Variants in RTN1 observed in about 807,000 individuals in gnomAD.
RTN1 encodes reticulon-1.
Under a neutral mutation model 65.5 loss-of-function variants are expected in RTN1, and 25 were observed. That is an observed-to-expected ratio of 0.38 (90% CI 0.28 to 0.53). RTN1 has a LOEUF of 0.53. Among genes scored for constraint, RTN1 ranks in the 20% least tolerant of loss-of-function variants. RTN1 has a pLI of 0.79. For missense variants in RTN1, 983 were observed against 1,025.4 expected (o/e 0.96, Z 0.57); for synonymous variants, 471 against 447.6 (o/e 1.05, Z -0.66).
intron 1 of RTN1, among the ~76,000 whole-genome samples, chr14:59,848,949 AC>A (rs59123812): frequency 0.22 from 33,596 of 150,588 alleles, 4,185 homozygotes; most frequent in East Asian, 0.56. Context: ...AATAGTCCCC[AC>A]CCCCCCGGGA....
At chr14:59,709,625 C>T (rs1884372915) in intron 3 of RTN1, among the ~76,000 whole-genome samples, 1 of 152,148 alleles carries the variant, frequency 6.6e-6, no homozygotes, top group South Asian at 2.1e-4. Context: ...AATCTTGCCC[C>T]CTGCCTTGTG....
At chr14:59,605,243 T>C in intron 5 of RTN1, 125 bp downstream of exon 5, 1 of 939,604 alleles carries the variant, frequency 1.1e-6, no homozygotes, top group Non-Finnish European at 1.6e-6. Context: ...CAACTGGAGG[T>C]CTTCTGACTC....
rs534510904 is a variant in RTN1 at position 59,746,145 on chromosome 14, G to T, written c.578C>A (p.Ala193Asp). ...ADPLDQMKAE[A>D]YKYIDITRPE... ...TCTGGTTATGTCAATGTATTTATAGGCCTCTGCTTTCATCTGGTCCAGAGG... is the reference window on the plus strand; with the variant it reads ...TCTGGTTATGTCAATGTATTTATAGTCCTCTGCTTTCATCTGGTCCAGAGG... Residue 193 changes from alanine to aspartate, a missense_variant, in exon 2 of 9, where the codon GCC (alanine) becomes GAC (aspartate). Transcript: ENST00000267484. The T allele has an allele frequency of 2.1e-5, 33 of 1,607,838 alleles. No individual in the cohort carries two copies. The highest frequency in any genetic ancestry group is 2.8e-5 in the Non-Finnish European group (33 of 1,177,882).
intron 1 of RTN1, among the ~76,000 whole-genome samples, chr14:59,842,076 A>C (rs1594763441): frequency 6.6e-6 from 1 of 151,964 alleles, no homozygotes; most frequent in East Asian, 1.9e-4. Flanking sequence ...CAGTGAGCCG[A>C]GATCAGGCCA....
chr14:59,624,667 G>T (rs953045940), intron 3 of RTN1, among the ~76,000 whole-genome samples: 21 of 152,192 alleles, frequency 1.4e-4, no homozygotes, highest in African/African-American at 4.6e-4. Flanking sequence ...TCACTGTGTT[G>T]CCCAGGCTGG....
chr14:59,833,052 C>T (rs1448924069), intron 1 of RTN1, among the ~76,000 whole-genome samples: 2 of 152,174 alleles, frequency 1.3e-5, no homozygotes, highest in African/African-American at 2.4e-5. Flanking sequence ...TCCTTTTCTC[C>T]TCCTTTCCTT....
intron 3 of RTN1, among the ~76,000 whole-genome samples, chr14:59,615,159 A>G (rs1010691780): frequency 2.0e-5 from 3 of 152,334 alleles, no homozygotes; most frequent in Middle Eastern, 3.4e-3. Flanking sequence ...AGGTTAAAAC[A>G]TTAAAAGCGG....
chr14:59,791,046 T>C (rs745793815), intron 1 of RTN1, among the ~76,000 whole-genome samples: 16 of 152,180 alleles, frequency 1.1e-4, no homozygotes, highest in Admixed American at 6.5e-4. Context: ...TATCATTTTG[T>C]CTTTATTTTC....
At chr14:59,626,150 G>A (rs1032398398) in intron 3 of RTN1, among the ~76,000 whole-genome samples, 1 of 152,054 alleles carries the variant, frequency 6.6e-6, no homozygotes, top group Non-Finnish European at 1.5e-5. Flanking sequence ...CCAAAGGCAT[G>A]CTTTTTTTCA....
intron 1 of RTN1, among the ~76,000 whole-genome samples, chr14:59,841,367 T>G (rs1402035531): frequency 6.6e-6 from 1 of 152,082 alleles, no homozygotes; most frequent in East Asian, 1.9e-4. Context: ...GTTTAAACAC[T>G]CCAATTAAAA....
At chr14:59,669,380 T>A (rs1460920316) in intron 3 of RTN1, among the ~76,000 whole-genome samples, 6 of 151,964 alleles carry the variant, frequency 3.9e-5, no homozygotes, top group African/African-American at 1.5e-4. Context: ...CTGCATGTTC[T>A]CACTCATAGA....
chr14:59,727,574 G>A lies in RTN1; in HGVS notation c.1110C>T (p.Thr370=). 6.2e-7 allele frequency: 1 copy of A among 1,612,382 alleles called. No homozygotes were observed. Among genetic ancestry groups the A allele is most frequent in the African/African-American group, 1.3e-5 (1 of 75,046 alleles). The stretch of plus-strand genomic sequence containing the variant: ...GGCCCACCGGCCGTGGGTTCTCGGC[G>A]GTTTCATACGATAATCCCTTTGCTT... ...IKEAKGLSYE[T]AENPRPVGQL... The change falls in exon 3 of 9, where the codon ACC becomes ACT. Residue 370 remains threonine, a synonymous_variant. Coordinates refer to ENST00000267484, the MANE Select transcript of RTN1 (RefSeq NM_021136.3). This position sits in a 1 kb window ranked among gnomAD's most constrained non-coding sequence, Gnocchi z 4.2.
intron 1 of RTN1, among the ~76,000 whole-genome samples, chr14:59,831,419 C>T (rs10141732): frequency 0.26 from 39,897 of 151,900 alleles, 5,545 homozygotes; most frequent in East Asian, 0.55. Context: ...TTTTTCATGC[C>T]TGTGGACACA....
chr14:59,603,990 CT>C, intron 5 of RTN1, 69 bp from the exon 6 acceptor site: 1 of 1,218,308 alleles, frequency 8.2e-7, no homozygotes, highest in Non-Finnish European at 1.2e-6. Context: ...ATATCATTGA[CT>C]TTTACCTAGA....
Position 59,816,081 on chromosome 14 carries a change from T to C in RTN1, c.241+54309A>G, listed in dbSNP as rs1566736126. On this transcript the variant is annotated intron_variant, in intron 1 of 8. Transcript: ENST00000267484. The surrounding 1 kb of genome is among the most constrained non-coding windows in gnomAD (Gnocchi z 4.3). ...ACATAGTTTATTCAACATCACCAAA[T>C]ACACAGAAACACAATTTCTCTCTCC... 6.6e-6 allele frequency among the ~76,000 whole-genome samples: 1 copy of C among 152,176 alleles called. No individual in the cohort carries two copies. The highest frequency in any genetic ancestry group is 2.4e-5 in the African/African-American group (1 of 41,440).
At chr14:59,802,281 A>G (rs1402014753) in intron 1 of RTN1, among the ~76,000 whole-genome samples, 6 of 152,376 alleles carry the variant, frequency 3.9e-5, no homozygotes, top group African/African-American at 1.2e-4. Flanking sequence ...GTCCAGCAGC[A>G]CCAGCATCAG....
chr14:59,600,343 T>C (rs565785178), intron 8 of RTN1, among the ~76,000 whole-genome samples: 3 of 152,264 alleles, frequency 2.0e-5, no homozygotes, highest in Non-Finnish European at 2.9e-5. Context: ...AGACATTACC[T>C]CATTTAATCA....
At chr14:59,771,142 T>C (rs1010431188) in intron 1 of RTN1, among the ~76,000 whole-genome samples, 10 of 152,214 alleles carry the variant, frequency 6.6e-5, no homozygotes, top group Non-Finnish European at 1.0e-4. Context: ...TGATCTGTAT[T>C]ACCTCTCTGT....
In RTN1 at chr14:59,596,630, A is replaced by G; in HGVS notation, c.*115T>C. 1 of 830,708 alleles carries G rather than the reference A, an allele frequency of 1.2e-6. No individual in the cohort carries two copies. The highest frequency in any genetic ancestry group is 2.1e-6 in the Non-Finnish European group (1 of 477,960). The allele number at this position is 830,708 out of a possible 1,614,324, so 51.5% of individuals were successfully genotyped here. ...AGCTGTTTTAAGGTTTGTCTCTAAG[A>G]TTATGGTACTGGAGGGAGGGGGGAA... On this transcript the variant is annotated 3_prime_UTR_variant, in exon 9 of 9. Coordinates refer to ENST00000267484, the MANE Select transcript of RTN1 (RefSeq NM_021136.3).
Sources: gnomAD v4.1 joint callset for allele counts (sites outside exome capture counted in the v4.1 genomes callset) on GRCh38, gnomAD v4.1.1 for gene constraint, Gnocchi (gnomAD v3.1) non-coding constraint, MANE v1.5 for transcripts, NCBI Gene and HGNC (gene_info 2026-07-23, HGNC 2026-07-21) for gene names.